The following FBXO38 variants were observed in gnomAD, a reference collection of about 807,000 sequenced individuals.
FBXO38 encodes F-box only protein 38.
Under a neutral mutation model 131.9 loss-of-function variants are expected in FBXO38, and 53 were observed. The observed-to-expected ratio is 0.40, with a 90% CI of 0.32 to 0.51. The LOEUF (loss-of-function observed/expected upper bound fraction) is 0.51, where lower values mean the gene tolerates loss of function less well. FBXO38 is among the 20% of genes least tolerant of loss of function. FBXO38 has a pLI of 0.53. For synonymous variants in FBXO38, 452 were observed against 505.6 expected (o/e 0.89, Z 1.42); for missense variants, 1,076 against 1,475.6 (o/e 0.73, Z 4.44).
chr5:148,430,737 G>A (rs979961832), intron 15 of FBXO38: 6 of 152,130 alleles, frequency 3.9e-5, no homozygotes, highest in South Asian at 2.1e-4. Flanking sequence ...AAAATGTAAC[G>A]TTTGAGTTCT....
chr5:148,415,904 C>G, intron 10 of FBXO38, 24 bp from the exon 11 acceptor site: 1 of 1,612,534 alleles, frequency 6.2e-7, no homozygotes, highest in African/African-American at 1.3e-5. Flanking sequence ...TAGATTTTCT[C>G]TGGTCATGTC....
intron 1 of FBXO38, among the ~76,000 whole-genome samples, chr5:148,389,525 C>CT (rs1758086583): frequency 6.6e-6 from 1 of 152,196 alleles, no homozygotes; most frequent in Non-Finnish European, 1.5e-5. Context: ...CTCCTTTACT[C>CT]TTTCTTTTTT....
intron 11 of FBXO38, 127 bp downstream of exon 11, chr5:148,416,197 C>A: frequency 1.2e-6 from 1 of 845,714 alleles, no homozygotes; most frequent in Non-Finnish European, 1.7e-6. Flanking sequence ...CTTTTTACTG[C>A]CAGCCTCAGT....
chr5:148,389,667 TCTC>T (rs1431364133), intron 1 of FBXO38: 2 of 152,172 alleles, frequency 1.3e-5, no homozygotes, highest in Non-Finnish European at 2.9e-5. Flanking sequence ...ATGGCAGTTT[TCTC>T]CTCACTTTCT....
chr5:148,415,450 A>G (rs1752996898), intron 10 of FBXO38: 2 of 155,396 alleles, frequency 1.3e-5, no homozygotes, highest in South Asian at 1.9e-4. Context: ...TGCAGCATAT[A>G]TATGTGTAGC....
At chr5:148,398,100 G>A (rs771727643) in intron 2 of FBXO38, among the ~76,000 whole-genome samples, 4 of 151,938 alleles carry the variant, frequency 2.6e-5, no homozygotes, top group Admixed American at 1.3e-4. Context: ...AGGTCAGAGA[G>A]GGGGAGATAA....
chr5:148,432,487 A>G (rs899756170), intron 15 of FBXO38, among the ~76,000 whole-genome samples: 2 of 152,160 alleles, frequency 1.3e-5, no homozygotes, highest in African/African-American at 4.8e-5. Context: ...CACTGTGGCA[A>G]GTTCTTGTAC....
intron 18 of FBXO38, among the ~76,000 whole-genome samples, chr5:148,439,281 A>G (rs947020320): frequency 2.0e-5 from 3 of 152,236 alleles, no homozygotes; most frequent in African/African-American, 7.2e-5. Flanking sequence ...CAGCAGTCTC[A>G]TTTGAATAGG....
At chr5:148,437,427 C>G (rs990756639) in intron 17 of FBXO38, among the ~76,000 whole-genome samples, 1 of 152,248 alleles carries the variant, frequency 6.6e-6, no homozygotes, top group East Asian at 1.9e-4. Context: ...ACGTGAGAGG[C>G]GGGAGTCTCT....
chr5:148,436,410 C>G (rs149248844), intron 17 of FBXO38, among the ~76,000 whole-genome samples: 2 of 152,248 alleles, frequency 1.3e-5, no homozygotes, highest in East Asian at 1.9e-4. Flanking sequence ...TTTCTGAGCA[C>G]TAACATGATG....
intron 6 of FBXO38, 120 bp downstream of exon 6, chr5:148,404,942 C>A: frequency 6.2e-6 from 5 of 803,910 alleles, no homozygotes; most frequent in South Asian, 2.4e-5. Context: ...TGTCTTATAA[C>A]ATATTCATCT....
At chr5:148,394,983 C>A in intron 2 of FBXO38, 79 bp downstream of exon 2, 1 of 1,300,160 alleles carries the variant, frequency 7.7e-7, no homozygotes, top group Non-Finnish European at 1.0e-6. Flanking sequence ...AATGTGGTAG[C>A]TACCAGCTAC....
chr5:148,442,612 A>G lies in FBXO38; in HGVS notation c.*465A>G, dbSNP rs936453862. 2.6e-5 allele frequency: 4 copies of G among 152,768 alleles called. No individual in the cohort carries two copies. Among genetic ancestry groups the G allele is most frequent in the African/African-American group, 9.7e-5 (4 of 41,406 alleles). The allele number at this position is 152,768 out of a possible 1,614,324, so 9.5% of individuals were successfully genotyped here. ...GTTATTAAAACACCAACTAAACCTT[A>G]TAGTCAAGACAAGGCTCTATGTTTC... is the stretch of plus-strand genomic sequence containing the variant. On this transcript the variant is annotated 3_prime_UTR_variant, in exon 22 of 22. Coordinates refer to ENST00000340253, the MANE Select transcript of FBXO38 (RefSeq NM_205836.3).
chr5:148,438,377 C>G lies in FBXO38; in HGVS notation c.2903C>G (p.Pro968Arg), dbSNP rs141168806. ...AAACATTTAAAGGTAGAAAATGCAC[C>G]AATTGTAAACCGATTTGACTATGCA... ...VLKHLKVENA[P>R]IVNRFDYAQC... Residue 968 changes from proline (P) to arginine (R), a missense_variant, in exon 18 of 22, where the codon CCA becomes CGA. Transcript: ENST00000340253. 9.3e-5 allele frequency: 150 copies of G among 1,613,694 alleles called. No individual in the cohort carries two copies. The highest frequency in any genetic ancestry group is 3.8e-4 in the Admixed American group (23 of 59,976).
intron 15 of FBXO38, chr5:148,430,155 A>ATTTTT (rs200540373): frequency 1.1e-5 from 1 of 91,206 alleles, no homozygotes; most frequent in African/African-American, 4.5e-5. Context: ...TATTATTATT[A>ATTTTT]TTATTTTTTT....
At chr5:148,411,457 A>G (rs1298633719) in intron 9 of FBXO38, among the ~76,000 whole-genome samples, 2 of 152,182 alleles carry the variant, frequency 1.3e-5, no homozygotes, top group Non-Finnish European at 2.9e-5. Context: ...CTGATTTGCA[A>G]CAAGTCTTTC....
intron 1 of FBXO38, among the ~76,000 whole-genome samples, chr5:148,392,722 C>T (rs776443119): frequency 5.5e-4 from 84 of 151,500 alleles, no homozygotes; most frequent in Non-Finnish European, 1.1e-3. Context: ...CATAGAGGAA[C>T]GACAAGAATC....
intron 17 of FBXO38, among the ~76,000 whole-genome samples, chr5:148,436,267 GCACACACCCA>G (rs1754342800): frequency 6.6e-6 from 1 of 152,034 alleles, no homozygotes; most frequent in African/African-American, 2.4e-5. Context: ...CATGACATAT[GCACACACCCA>G]CACACACAGT....
intron 17 of FBXO38, among the ~76,000 whole-genome samples, chr5:148,436,044 A>G (rs972739199): frequency 6.6e-6 from 1 of 152,196 alleles, no homozygotes; most frequent in Admixed American, 6.5e-5. Context: ...ATAGACCACC[A>G]TAATGGATAA....
Sources: allele counts gnomAD v4.1 joint callset (sites outside exome capture counted in the v4.1 genomes callset), GRCh38; gene constraint gnomAD v4.1.1; transcripts MANE v1.5; gene names NCBI Gene and HGNC (gene_info 2026-07-23, HGNC 2026-07-21).